Variants in MAPK14 observed in about 807,000 individuals in gnomAD.
MAPK14 encodes mitogen-activated protein kinase 14.
In MAPK14, 16 loss-of-function variants were observed where a neutral mutation model predicts 49.6. The observed-to-expected ratio is 0.32, with a 90% confidence interval of 0.22 to 0.49. The LOEUF (loss-of-function observed/expected upper bound fraction) is 0.49, where lower values mean the gene tolerates loss of function less well. Ranked by LOEUF, MAPK14 falls within the 20% of genes least tolerant of loss-of-function variation. The probability of loss-of-function intolerance (pLI) is 0.99; values close to 1 mark genes in which losing one functional copy is unlikely to be tolerated. For missense variants in MAPK14, 200 were observed against 441.2 expected, an observed-to-expected ratio of 0.45 and a Z score of 4.90; for synonymous variants, 142 against 158.0, an observed-to-expected ratio of 0.90 and a Z score of 0.76.
At position 36,028,213 on chromosome 6, in the gene MAPK14, A is replaced by G; in HGVS notation, c.56A>G (p.Glu19Gly). Reference sequence around the variant, plus strand: ...CAGGAGCTGAACAAGACAATCTGGGAGGTGCCCGAGCGTTACCAGAACCTG... The same window carrying G: ...CAGGAGCTGAACAAGACAATCTGGGGGGTGCCCGAGCGTTACCAGAACCTG... ...YRQELNKTIW[E>G]VPERYQNLSP... is the part of the protein sequence containing the mutation. Residue 19 changes from glutamate to glycine, a missense_variant, in exon 1 of 12, where the codon GAG (glutamate) becomes GGG (glycine). This residue lies in a region of MAPK14 where 30 missense variants were observed against 34.2 expected (regional missense o/e 0.88). Coordinates refer to ENST00000229794, the MANE Select transcript of MAPK14 (RefSeq NM_139012.3). The surrounding 1 kb of genome is among the most constrained non-coding windows in gnomAD (Gnocchi z 5.1). 6.2e-7 allele frequency: 1 copy of G among 1,613,856 alleles called. No individual in the cohort carries two copies. The highest frequency in any genetic ancestry group is 8.5e-7 in the Non-Finnish European group (1 of 1,179,838).
intron 1 of MAPK14, among the ~76,000 whole-genome samples, chr6:36,035,918 A>G (rs1762729182): frequency 6.6e-6 from 1 of 152,162 alleles, no homozygotes; most frequent in Admixed American, 6.5e-5. Flanking sequence ...ACCTGTCTCC[A>G]TAGCATAACT....
intron 8 of MAPK14, chr6:36,092,282 C>T (rs997963108): frequency 1.2e-5 from 7 of 584,676 alleles, no homozygotes; most frequent in Admixed American, 1.9e-5. Flanking sequence ...CATTCAGCAG[C>T]GTCCCCTTTG....
At chr6:36,058,115 C>G (rs1254888958) in intron 2 of MAPK14, among the ~76,000 whole-genome samples, 1 of 151,866 alleles carries the variant, frequency 6.6e-6, no homozygotes, top group Non-Finnish European at 1.5e-5. Flanking sequence ...TTGCTTTATC[C>G]CTGTGTAAAA....
rs1762378029 is a variant in MAPK14, at chr6:36,028,084, G to A, written c.-74G>A. The A allele has an allele frequency of 3.9e-6, 4 of 1,015,636 alleles. No homozygotes were observed. Among genetic ancestry groups the A allele is most frequent in the Non-Finnish European group, 6.0e-6 (4 of 662,080 alleles). The allele number at this position is 1,015,636 out of a possible 1,614,324, so 62.9% of individuals were successfully genotyped here. ...CCCGCCCGGCTGGGCGGGCAGCAAG[G>A]GCCGGGGAGAGGGTGCGGGTGCAGG... On this transcript the variant is annotated 5_prime_UTR_variant, in exon 1 of 12. Coordinates refer to ENST00000229794, the MANE Select transcript of MAPK14 (RefSeq NM_139012.3). The surrounding 1 kb of genome is among the most constrained non-coding windows in gnomAD (Gnocchi z 5.1).
Position 36,028,331 on chromosome 6 carries a change from C to T in MAPK14, c.116+58C>T, listed in dbSNP as rs988925369. On this transcript the variant is annotated intron_variant, in intron 1 of 11. Coordinates refer to ENST00000229794, the MANE Select transcript of MAPK14 (RefSeq NM_139012.3). The surrounding 1 kb of genome is among the most constrained non-coding windows in gnomAD (Gnocchi z 5.1). ...CAGGGTGGCCCCTCGCGCCCGAGGG[C>T]CAGGCCTGCTCCACTGCTCAGCGTT... is the stretch of plus-strand genomic sequence containing the variant. The T allele has an allele frequency of 1.4e-5, 17 of 1,220,638 alleles. No individual in the cohort carries two copies. In the African/African-American group the frequency reaches 2.4e-4, roughly 17 times the overall value. The allele number at this position is 1,220,638 out of a possible 1,614,324, so 75.6% of individuals were successfully genotyped here.
At chr6:36,062,598 G>A (rs1004795642) in intron 3 of MAPK14, among the ~76,000 whole-genome samples, 4 of 150,616 alleles carry the variant, frequency 2.7e-5, no homozygotes, top group Non-Finnish European at 5.9e-5. Flanking sequence ...ATTTTTAAAT[G>A]CTAATTAGCA....
At chr6:36,061,685 C>T (rs1283634187) in intron 3 of MAPK14, among the ~76,000 whole-genome samples, 2 of 152,180 alleles carry the variant, frequency 1.3e-5, no homozygotes, top group Non-Finnish European at 2.9e-5. Flanking sequence ...AGTCGCCCTT[C>T]CTTTTGATGA....
At position 36,104,705 on chromosome 6, in the gene MAPK14, C is replaced by T. The variant is rs531334818; in HGVS notation, c.841+2056C>T. Among the ~76,000 whole-genome samples, 56 of 152,194 alleles carry T rather than the reference C, an allele frequency of 3.7e-4. No individual in the cohort carries two copies. In the South Asian group the frequency reaches 5.2e-3, roughly 14 times the overall value. ...CCCAGCCCGTCGTGTTCTTTCTTGT[C>T]GTCATTCTGTTCTGAAGTTGTTTCA... On this transcript the variant is annotated intron_variant, in intron 10 of 11. Transcript: ENST00000229794.
At chr6:36,054,156 G>A (rs111639958) in intron 2 of MAPK14, among the ~76,000 whole-genome samples, 155 of 152,218 alleles carry the variant, frequency 1.0e-3, no homozygotes, top group African/African-American at 3.3e-3. Flanking sequence ...ATGTGTTTGC[G>A]TTTGATTTTT....
chr6:36,027,932 C>T lies in MAPK14; in HGVS notation c.-226C>T, dbSNP rs533452616. 7.0e-6 allele frequency: 3 copies of T among 425,544 alleles called. No individual in the cohort carries two copies. The highest frequency in any genetic ancestry group is 4.4e-5 in the Admixed American group (1 of 22,834). The allele number at this position is 425,544 out of a possible 1,614,324, so 26.4% of individuals were successfully genotyped here. On this transcript the variant is annotated 5_prime_UTR_variant, in exon 1 of 12. Transcript: ENST00000229794. ...GCAGTCTTGAGCGCCGGAGCGCGTCCCTGCCCTTAGCGGGGCTTGCCCCAG... is the reference window on the plus strand; with the variant it reads ...GCAGTCTTGAGCGCCGGAGCGCGTCTCTGCCCTTAGCGGGGCTTGCCCCAG...
chr6:36,079,230 C>T (rs1764648149), intron 8 of MAPK14, among the ~76,000 whole-genome samples: 1 of 152,178 alleles, frequency 6.6e-6, no homozygotes, highest in African/African-American at 2.4e-5. Context: ...AGCTACCTGT[C>T]ACATAGGCCA....
chr6:36,037,279 C>T (rs1762789876), intron 1 of MAPK14, among the ~76,000 whole-genome samples: 1 of 152,032 alleles, frequency 6.6e-6, no homozygotes, highest in African/African-American at 2.4e-5. Context: ...CAAAATTAAC[C>T]AGCTTTCCCG....
chr6:36,047,019 T>C (rs1441978082), intron 1 of MAPK14, among the ~76,000 whole-genome samples: 1 of 152,218 alleles, frequency 6.6e-6, no homozygotes, highest in East Asian at 1.9e-4. Context: ...GCAATGGCCA[T>C]TTTTCCAGTC....
rs948033625 is a variant in MAPK14 at position 36,044,949 on chromosome 6, A to G, written c.117-7750A>G. Among the ~76,000 whole-genome samples the G allele has an allele frequency of 2.6e-5, 4 of 152,140 alleles. No homozygotes were observed. The East Asian group carries it at 7.7e-4, about 29-fold the overall frequency. On this transcript the variant is annotated intron_variant, in intron 1 of 11. Coordinates refer to ENST00000229794, the MANE Select transcript of MAPK14 (RefSeq NM_139012.3). Reference sequence around the variant, plus strand: ...GGAGTTCAAGACCAGCCTAGGGAACATAGTGGGACCCTGTGTCTACAAAAA... The same window carrying G: ...GGAGTTCAAGACCAGCCTAGGGAACGTAGTGGGACCCTGTGTCTACAAAAA...
rs1763453026 is a variant in MAPK14 at position 36,052,775 on chromosome 6, G to A, written c.193G>A (p.Ala65Thr). 1 of 1,612,422 alleles carries A rather than the reference G, an allele frequency of 6.2e-7. No homozygotes were observed. The highest frequency in any genetic ancestry group is 1.3e-5 in the African/African-American group (1 of 74,806). The change falls in exon 2 of 12, where the codon GCG (alanine) becomes ACG (threonine). Residue 65 changes from alanine (A) to threonine (T), a missense_variant. By Grantham distance (58) the Ala-to-Thr change is moderately conservative. Around this residue, in one of 2 missense-constraint regions of MAPK14, gnomAD observed 170 missense variants for 407.0 expected, o/e 0.42. Coordinates refer to ENST00000229794, the MANE Select transcript of MAPK14 (RefSeq NM_139012.3). ...LSRPFQSIIH[A>T]KRTYRELRLL... The stretch of plus-strand genomic sequence containing the variant: ...CAGACCATTTCAGTCCATCATTCAT[G>A]CGAAAAGAACCTACAGAGAACTGCG...
In MAPK14 at chr6:36,100,082, G is replaced by GT. The variant is rs200362191; in HGVS notation, c.763-2482dup. 2.1e-4 allele frequency: 164 copies of GT among 766,038 alleles called. 1 individual carries two copies. Among genetic ancestry groups the GT allele is most frequent in the East Asian group, 1.4e-3 (55 of 39,768 alleles). The allele number at this position is 766,038 out of a possible 1,614,324, so 47.5% of individuals were successfully genotyped here. On this transcript the variant is annotated intron_variant, in intron 9 of 11. Transcript: ENST00000229794. ...CTCGGGTAGGGGGAATGGAGGGTAGGTTTTTTTGTCTGTTTGGGGGTGGCT... is the reference window on the plus strand; with the variant it reads ...CTCGGGTAGGGGGAATGGAGGGTAGGTTTTTTTTGTCTGTTTGGGGGTGGCT...
At chr6:36,073,554 A>T in intron 4 of MAPK14, 137 bp from the exon 5 acceptor site, 1 of 668,382 alleles carries the variant, frequency 1.5e-6, no homozygotes, top group Non-Finnish European at 2.6e-6. Flanking sequence ...CACAATACTG[A>T]TAGTTACTTA....
At chr6:36,091,037 C>T (rs142276896) in intron 8 of MAPK14, among the ~76,000 whole-genome samples, 3 of 152,208 alleles carry the variant, frequency 2.0e-5, no homozygotes, top group South Asian at 2.1e-4. Context: ...TTCCTACCTT[C>T]CCAAAGGTTA....
chr6:36,067,607 C>T (rs1013342036), intron 3 of MAPK14, among the ~76,000 whole-genome samples: 1 of 152,144 alleles, frequency 6.6e-6, no homozygotes, highest in African/African-American at 2.4e-5. Context: ...TCTAGTTTCA[C>T]TGATGCAGGT....
Sources: allele counts gnomAD v4.1 joint callset (sites outside exome capture counted in the v4.1 genomes callset), GRCh38; gene constraint gnomAD v4.1.1; regional missense constraint gnomAD v4.1.1; non-coding constraint Gnocchi (gnomAD v3.1); transcripts MANE v1.5; gene names NCBI Gene and HGNC (gene_info 2026-07-23, HGNC 2026-07-21).